The following INTS7 variants were observed in gnomAD, a reference collection of about 807,000 sequenced individuals.
INTS7 encodes the protein chromosome 1 open reading frame 73.
A neutral mutation model predicts 109.2 loss-of-function variants in INTS7; 46 were observed. That is an observed-to-expected ratio of 0.42 (90% CI 0.33 to 0.54). The LOEUF (loss-of-function observed/expected upper bound fraction) is 0.54, where lower values mean the gene tolerates loss of function less well. INTS7 is among the 20% of genes least tolerant of loss of function. INTS7 has a pLI of 0.07. For missense variants in INTS7, 929 were observed against 1,132.4 expected (o/e 0.82, Z 2.58); for synonymous variants, 412 against 402.9 (o/e 1.02, Z -0.27).
At chr1:211,988,513 G>C (rs1348951300) in intron 7 of INTS7, among the ~76,000 whole-genome samples, 1 of 150,042 alleles carries the variant, frequency 6.7e-6, no homozygotes, top group Admixed American at 6.7e-5. Context: ...AAACTATGTT[G>C]ATACATAAAA....
At chr1:211,978,643 T>TATTTCTTATG in intron 10 of INTS7, 132 bp from the exon 11 acceptor site, 2 of 915,214 alleles carry the variant, frequency 2.2e-6, no homozygotes, top group Non-Finnish European at 3.2e-6. Context: ...TTTTACTTCA[T>TATTTCTTATG]AAGAAATATG....
At chr1:211,947,562 GC>G (rs1215881819) in intron 17 of INTS7, among the ~76,000 whole-genome samples, 2 of 152,104 alleles carry the variant, frequency 1.3e-5, no homozygotes, top group Non-Finnish European at 2.9e-5. Flanking sequence ...TTTCACGGGG[GC>G]ACTAGCTGCG....
intron 1 of INTS7, among the ~76,000 whole-genome samples, chr1:212,027,623 A>G (rs1411598857): frequency 6.6e-6 from 1 of 152,246 alleles, no homozygotes; most frequent in African/African-American, 2.4e-5. Flanking sequence ...GGCAGTAGTA[A>G]AGCATTCATT....
chr1:212,033,865 C>T (rs1034328790), intron 1 of INTS7, among the ~76,000 whole-genome samples: 2 of 152,062 alleles, frequency 1.3e-5, no homozygotes, highest in African/African-American at 4.8e-5. Context: ...GACGGATCAC[C>T]TGAGGTCAGG....
At chr1:211,971,073 G>C (rs1454458045) in intron 13 of INTS7, among the ~76,000 whole-genome samples, 1 of 152,170 alleles carries the variant, frequency 6.6e-6, no homozygotes, top group Non-Finnish European at 1.5e-5. Flanking sequence ...AAGATACACA[G>C]CTCCGAGTGA....
chr1:211,965,559 G>A (rs900672318), intron 16 of INTS7, among the ~76,000 whole-genome samples: 9 of 152,116 alleles, frequency 5.9e-5, no homozygotes, highest in Admixed American at 3.3e-4. Flanking sequence ...AATGCCCATC[G>A]ATGGCAGACC....
chr1:211,962,149 A>G (rs997373382), intron 16 of INTS7, among the ~76,000 whole-genome samples: 18 of 152,084 alleles, frequency 1.2e-4, no homozygotes, highest in Non-Finnish European at 1.8e-4. Flanking sequence ...AATTACATCC[A>G]TAGGCTCAAA....
At position 212,034,367 on chromosome 1, in the gene INTS7, C is replaced by T. The variant is rs1667322009; in HGVS notation, c.94+977G>A. Among the ~76,000 whole-genome samples the T allele has an allele frequency of 3.9e-5, 6 of 152,072 alleles. No homozygotes were observed. The South Asian group carries it at 1.2e-3, about 32-fold the overall frequency. On this transcript the variant is annotated intron_variant, in intron 1 of 19. Transcript: ENST00000366994. ...TTAAAAAATAAACAGAAAAAGAGTC[C>T]CAAAAAAGTTAATAGACATGTCCAA...
chr1:212,019,473 A>G (rs1427957690), intron 3 of INTS7, among the ~76,000 whole-genome samples: 2 of 152,296 alleles, frequency 1.3e-5, no homozygotes, highest in East Asian at 1.9e-4. Flanking sequence ...TCCTGGTTAA[A>G]AAGAAGACTG....
chr1:212,034,007 C>T lies in INTS7; in HGVS notation c.94+1337G>A, dbSNP rs1055673598. ...CTGAGGCAGGAGAACCGTTTGAACT[C>T]GGGAGGCGGAGGTTGCAGTGAGCCG... On this transcript the variant is annotated intron_variant, in intron 1 of 19. Transcript: ENST00000366994. Among the ~76,000 whole-genome samples, 3 of 152,026 alleles carry T rather than the reference C, an allele frequency of 2.0e-5. No individual in the cohort carries two copies. In the East Asian group the frequency reaches 5.8e-4, roughly 29 times the overall value.
chr1:211,972,079 C>T (rs75508636), intron 13 of INTS7, among the ~76,000 whole-genome samples: 3,921 of 151,812 alleles, frequency 0.026, 55 homozygotes, highest in African/African-American at 0.045. Context: ...CTTTTTTTCT[C>T]TTTAGGAGAC....
At chr1:211,980,529 G>A (rs540629195) in intron 10 of INTS7, among the ~76,000 whole-genome samples, 41 of 152,020 alleles carry the variant, frequency 2.7e-4, no homozygotes, top group Admixed American at 2.2e-3. Context: ...TCAACCTCTC[G>A]GCCTCAAGCA....
In INTS7 at chr1:211,942,022, A is replaced by G. The variant is rs1558017843; in HGVS notation, c.2691T>C (p.Ala897=). 1 of 1,614,222 alleles carries G rather than the reference A, an allele frequency of 6.2e-7. No individual in the cohort carries two copies. Among genetic ancestry groups the G allele is most frequent in the East Asian group, 2.2e-5 (1 of 44,888 alleles). The change falls in exon 20 of 20, where the codon GCT becomes GCC. Residue 897 remains alanine, a synonymous_variant. Transcript: ENST00000366994. This position sits in a 1 kb window ranked among gnomAD's most constrained non-coding sequence, Gnocchi z 4.2. Reference sequence around the variant, plus strand: ...CTGTAATGTTGTGTGTTCCAAGGATAGCAAAGTTCAACAGAAATTGAGTAC... The same window carrying G: ...CTGTAATGTTGTGTGTTCCAAGGATGGCAAAGTTCAACAGAAATTGAGTAC... The part of the protein sequence containing the change: ...YFSTQFLLNF[A]ILGTHNITVE...
intron 3 of INTS7, among the ~76,000 whole-genome samples, chr1:212,019,779 G>C (rs1228373269): frequency 6.6e-6 from 1 of 152,074 alleles, no homozygotes; most frequent in Non-Finnish European, 1.5e-5. Flanking sequence ...ATAGAAAACT[G>C]ACAGAAAACA....
rs769375855 is a variant in INTS7 at position 212,020,278 on chromosome 1, C to A, written c.225-10G>T. On this transcript the variant is annotated splice_polypyrimidine_tract_variant and intron_variant, in intron 2 of 19. Coordinates refer to ENST00000366994, the MANE Select transcript of INTS7 (RefSeq NM_015434.4). ...CCTCAGGAAATTATTTCTAGAAAAA[C>A]CAGAAATAAATTAGGTCACTTTAGA... 8 of 1,514,032 alleles carry A rather than the reference C, an allele frequency of 5.3e-6. No individual in the cohort carries two copies. The South Asian group carries it at 6.3e-5, about 12-fold the overall frequency. 93.8% of individuals were successfully genotyped at this position (1,514,032 alleles called of 1,614,324 possible).
chr1:212,019,205 C>G (rs1318938779), intron 3 of INTS7, among the ~76,000 whole-genome samples: 11 of 152,140 alleles, frequency 7.2e-5, no homozygotes, highest in Admixed American at 5.9e-4. Context: ...GAGCCAAGAT[C>G]ACGCCACTGC....
intron 13 of INTS7, among the ~76,000 whole-genome samples, chr1:211,974,036 G>GT (rs1208410955): frequency 1.3e-5 from 2 of 151,998 alleles, no homozygotes; most frequent in African/African-American, 4.8e-5. Flanking sequence ...CATTAAACAA[G>GT]TATCAAATAT....
rs764820922 is a variant in INTS7 at position 211,959,934 on chromosome 1, G to A, written c.2183+6496C>T. Among the ~76,000 whole-genome samples the A allele has an allele frequency of 4.9e-4, 75 of 152,272 alleles. No homozygotes were observed. In the Middle Eastern group the frequency reaches 0.02, roughly 41 times the overall value. Reference sequence around the variant, plus strand: ...AAAGGCCGGCATCCCAGACCTGCTAGTATCCTGCCGCGGTGGACAAGTGTG... The same window carrying A: ...AAAGGCCGGCATCCCAGACCTGCTAATATCCTGCCGCGGTGGACAAGTGTG... On this transcript the variant is annotated intron_variant, in intron 16 of 19. Transcript: ENST00000366994. The surrounding 1 kb of genome is among the most constrained non-coding windows in gnomAD (Gnocchi z 4.2).
At position 212,023,435 on chromosome 1, in the gene INTS7, A is replaced by G. The variant is rs1666791994; in HGVS notation, c.95-2223T>C. On this transcript the variant is annotated intron_variant, in intron 1 of 19. Coordinates refer to ENST00000366994, the MANE Select transcript of INTS7 (RefSeq NM_015434.4). Reference sequence around the variant, plus strand: ...TGTTATTTTTTGACTTTTCAATAATAGCCATTTTGACTGGTGTGAGATGGT... The same window carrying G: ...TGTTATTTTTTGACTTTTCAATAATGGCCATTTTGACTGGTGTGAGATGGT... 2.0e-5 allele frequency among the ~76,000 whole-genome samples: 3 copies of G among 152,156 alleles called. No homozygotes were observed. The South Asian group carries it at 6.2e-4, about 32-fold the overall frequency.
Sources: allele counts gnomAD v4.1 joint callset (sites outside exome capture counted in the v4.1 genomes callset), GRCh38; gene constraint gnomAD v4.1.1; non-coding constraint Gnocchi (gnomAD v3.1); transcripts MANE v1.5; gene names NCBI Gene and HGNC (gene_info 2026-07-23, HGNC 2026-07-21).